The following PLCH1 variants were observed in gnomAD, a reference collection of about 807,000 sequenced individuals.
PLCH1 encodes phospholipase C eta 1.
PLCH1 carries 60 observed loss-of-function variants against 126.7 expected under a neutral mutation model. The observed-to-expected ratio is 0.47, with a 90% CI of 0.38 to 0.59. The LOEUF (loss-of-function observed/expected upper bound fraction) is 0.59. Ranked by LOEUF, PLCH1 falls within the 20% of genes least tolerant of loss-of-function variation. PLCH1 has a pLI of 0.00. For synonymous variants in PLCH1, 719 were observed against 734.9 expected (o/e 0.98, Z 0.35); for missense variants, 1,723 against 2,040.0 (o/e 0.84, Z 2.99).
At chr3:155,598,055 G>A (rs1165047022) in intron 2 of PLCH1, among the ~76,000 whole-genome samples, 1 of 152,012 alleles carries the variant, frequency 6.6e-6, no homozygotes, top group East Asian at 1.9e-4. Context: ...GTGGTGGCAG[G>A]CACCTGTAAT....
chr3:155,464,155 A>G (rs1393855786), intron 21 of PLCH1, among the ~76,000 whole-genome samples: 2 of 152,194 alleles, frequency 1.3e-5, no homozygotes, highest in African/African-American at 4.8e-5. Flanking sequence ...ATAAAGGAAG[A>G]GGAGATGATG....
chr3:155,660,184 G>T (rs1741962058), intron 2 of PLCH1, among the ~76,000 whole-genome samples: 1 of 152,232 alleles, frequency 6.6e-6, no homozygotes, highest in South Asian at 2.1e-4. Flanking sequence ...CTAACAGGCT[G>T]AACACAATTG....
chr3:155,569,863 A>G (rs972175321), intron 6 of PLCH1, among the ~76,000 whole-genome samples: 3 of 152,246 alleles, frequency 2.0e-5, no homozygotes, highest in Admixed American at 1.3e-4. Flanking sequence ...AAGAAACAAC[A>G]AAACAACTAA....
chr3:155,643,994 G>T (rs1445996061), intron 2 of PLCH1, among the ~76,000 whole-genome samples: 1 of 152,178 alleles, frequency 6.6e-6, no homozygotes, highest in Non-Finnish European at 1.5e-5. Context: ...TGCAGGCCCA[G>T]AAAAGAAAAG....
chr3:155,659,624 G>A (rs1389892138), intron 2 of PLCH1, among the ~76,000 whole-genome samples: 1 of 151,732 alleles, frequency 6.6e-6, no homozygotes, highest in Non-Finnish European at 1.5e-5. Flanking sequence ...TCAGCCTCCC[G>A]AGTAGCTGGG....
intron 2 of PLCH1, among the ~76,000 whole-genome samples, chr3:155,682,669 A>T (rs976061295): frequency 6.6e-6 from 1 of 152,192 alleles, no homozygotes; most frequent in African/African-American, 2.4e-5. Context: ...TGTGCCCAAG[A>T]TCACAAAATT....
intron 2 of PLCH1, among the ~76,000 whole-genome samples, chr3:155,676,858 C>T (rs1744135575): frequency 6.6e-6 from 1 of 151,990 alleles, no homozygotes; most frequent in Admixed American, 6.6e-5. Flanking sequence ...AAATCACATG[C>T]CTGTGGACGT....
At chr3:155,721,631 G>T (rs557652070) in intron 1 of PLCH1, among the ~76,000 whole-genome samples, 1 of 152,274 alleles carries the variant, frequency 6.6e-6, no homozygotes, top group South Asian at 2.1e-4. Context: ...TTTTCTAGGT[G>T]TACAATCATA....
At chr3:155,619,823 T>C (rs1263213608) in intron 2 of PLCH1, among the ~76,000 whole-genome samples, 3 of 151,934 alleles carry the variant, frequency 2.0e-5, no homozygotes, top group Non-Finnish European at 4.4e-5. Context: ...GTAAGCACCT[T>C]ATTTCTATGG....
Position 155,583,612 on chromosome 3 carries a change from A to G in PLCH1, c.631T>C (p.Leu211=), listed in dbSNP as rs770817823. 2.8e-5 allele frequency: 45 copies of G among 1,585,396 alleles called. No individual in the cohort carries two copies. Among genetic ancestry groups the G allele is most frequent in the Non-Finnish European group, 3.6e-5 (42 of 1,172,428 alleles). The change falls in exon 6 of 23, where the codon TTG becomes CTG. Residue 211 remains leucine (L), a synonymous_variant. Transcript: ENST00000460012. Reference sequence around the variant, plus strand: ...AAAACACAGAACTCTTCAAATGTCAAAGTTCCCTGATTCTCATCTGTGTCG... The same window carrying G: ...AAAACACAGAACTCTTCAAATGTCAGAGTTCCCTGATTCTCATCTGTGTCG... ...EADTDENQGT[L]TFEEFCVFYK...
intron 12 of PLCH1, among the ~76,000 whole-genome samples, chr3:155,511,626 G>C (rs576208125): frequency 7.1e-6 from 1 of 140,562 alleles, no homozygotes; most frequent in East Asian, 2.0e-4. Flanking sequence ...AGGTGTCAGT[G>C]TGCCCCTGCT....
intron 22 of PLCH1, among the ~76,000 whole-genome samples, chr3:155,484,281 G>A (rs559354440): frequency 6.6e-6 from 1 of 152,118 alleles, no homozygotes; most frequent in Non-Finnish European, 1.5e-5. Context: ...AATTTCTACT[G>A]AATATAGCTT....
chr3:155,614,520 C>A (rs1735543151), intron 2 of PLCH1, among the ~76,000 whole-genome samples: 1 of 151,950 alleles, frequency 6.6e-6, no homozygotes, highest in African/African-American at 2.4e-5. Flanking sequence ...ATCACATTAC[C>A]CAACTTCAAA....
chr3:155,714,464 C>T (rs1352308791), intron 1 of PLCH1, among the ~76,000 whole-genome samples: 1 of 152,202 alleles, frequency 6.6e-6, no homozygotes, highest in East Asian at 1.9e-4. Flanking sequence ...CACCACCAAA[C>T]TGGTTGTTAA....
intron 2 of PLCH1, among the ~76,000 whole-genome samples, chr3:155,653,450 C>G (rs2108905322): frequency 6.6e-6 from 1 of 152,270 alleles, no homozygotes; most frequent in South Asian, 2.1e-4. Context: ...CCCTCTTTAC[C>G]CAGTGTTGGT....
At chr3:155,713,396 G>A (rs1747287644) in intron 1 of PLCH1, among the ~76,000 whole-genome samples, 1 of 152,184 alleles carries the variant, frequency 6.6e-6, no homozygotes, top group African/African-American at 2.4e-5. Flanking sequence ...GGTATAAGAT[G>A]GTGGATGGCT....
At chr3:155,469,165 C>T (rs924480074) in intron 21 of PLCH1, among the ~76,000 whole-genome samples, 11 of 152,138 alleles carry the variant, frequency 7.2e-5, no homozygotes, top group Non-Finnish European at 4.4e-5. Flanking sequence ...TCTGAGGTAC[C>T]GGGTTCATCT....
intron 11 of PLCH1, among the ~76,000 whole-genome samples, chr3:155,517,668 T>C (rs1361237306): frequency 1.3e-5 from 2 of 152,208 alleles, no homozygotes; most frequent in East Asian, 3.8e-4. Context: ...GATTATATTA[T>C]CTTGAAGTCC....
intron 1 of PLCH1, among the ~76,000 whole-genome samples, chr3:155,712,905 A>G (rs1378071909): frequency 6.6e-6 from 1 of 151,680 alleles, no homozygotes; most frequent in East Asian, 1.9e-4. Flanking sequence ...TTCCATAAAA[A>G]CCAATACTCC....
Sources: gnomAD v4.1 joint callset for allele counts (sites outside exome capture counted in the v4.1 genomes callset) on GRCh38, gnomAD v4.1.1 for gene constraint, MANE v1.5 for transcripts, NCBI Gene and HGNC (gene_info 2026-07-23, HGNC 2026-07-21) for gene names.